The following ZFHX3 variants were observed in gnomAD, a reference collection of about 807,000 sequenced individuals.
The protein encoded by ZFHX3 is zinc finger homeobox protein 3.
A neutral mutation model predicts 279.1 loss-of-function variants in ZFHX3; 42 were observed. That is an observed-to-expected ratio of 0.15 (90% confidence interval 0.12 to 0.19). The LOEUF (loss-of-function observed/expected upper bound fraction) is 0.19. Among genes scored for constraint, ZFHX3 ranks in the 10% least tolerant of loss-of-function variants. The probability of loss-of-function intolerance (pLI) is 1.00; values close to 1 mark genes in which losing one functional copy is unlikely to be tolerated. For synonymous variants in ZFHX3, 2,293 were observed against 1,957.8 expected (o/e 1.17, Z -4.52); for missense variants, 4,981 against 4,754.0 (o/e 1.05, Z -1.40).
chr16:73,251,223 T>A (rs1161282970), intron 5 of ZFHX3, among the ~76,000 whole-genome samples: 1 of 152,158 alleles, frequency 6.6e-6, no homozygotes, highest in Non-Finnish European at 1.5e-5. Context: ...TAGCCCAAAG[T>A]CTTAGTGAGG....
chr16:73,632,410 C>T (rs988742349), intron 2 of ZFHX3, among the ~76,000 whole-genome samples: 4 of 151,994 alleles, frequency 2.6e-5, no homozygotes, highest in East Asian at 3.9e-4. Context: ...GAGCCGGGTG[C>T]GGTGGCTCAC....
chr16:73,217,500 T>C (rs1250691700), intron 5 of ZFHX3, among the ~76,000 whole-genome samples: 4 of 152,220 alleles, frequency 2.6e-5, no homozygotes, highest in Non-Finnish European at 5.9e-5. Context: ...ATTGATCCCC[T>C]GGCTTAACTT....
At chr16:72,805,088 C>T (rs962762208) in intron 7 of ZFHX3, among the ~76,000 whole-genome samples, 50 of 152,286 alleles carry the variant, frequency 3.3e-4, no homozygotes, top group African/African-American at 1.1e-3. Context: ...AGTGATTCTT[C>T]TGCCTCAGCC....
chr16:72,987,721 C>A (rs999955921), intron 1 of ZFHX3, among the ~76,000 whole-genome samples: 7 of 152,164 alleles, frequency 4.6e-5, no homozygotes, highest in Non-Finnish European at 1.0e-4. Flanking sequence ...CTCATGGATA[C>A]CACAGCATGG....
intron 3 of ZFHX3, among the ~76,000 whole-genome samples, chr16:72,890,395 A>C (rs2038742641): frequency 6.6e-6 from 1 of 152,034 alleles, no homozygotes; most frequent in African/African-American, 2.4e-5. Flanking sequence ...CAGAACTGTG[A>C]GTCAATTTCT....
chr16:72,912,177 G>C (rs55919245), intron 3 of ZFHX3, among the ~76,000 whole-genome samples: 7,259 of 152,296 alleles, frequency 0.048, 239 homozygotes, highest in Non-Finnish European at 0.071. Context: ...GCAGGAGCTC[G>C]ACCCTGCCAG....
chr16:73,514,523 A>C (rs2019487402), intron 2 of ZFHX3, among the ~76,000 whole-genome samples: 1 of 152,158 alleles, frequency 6.6e-6, no homozygotes, highest in African/African-American at 2.4e-5. Flanking sequence ...CTGAACTATT[A>C]TTTTTACTAT....
intron 3 of ZFHX3, among the ~76,000 whole-genome samples, chr16:73,417,846 G>A (rs2113224): frequency 0.019 from 2,852 of 150,984 alleles, 129 homozygotes; most frequent in African/African-American, 0.066. Flanking sequence ...AAAATTAGCC[G>A]GGCATGGTGG....
At chr16:73,223,961 C>T (rs935117491) in intron 5 of ZFHX3, among the ~76,000 whole-genome samples, 1 of 152,164 alleles carries the variant, frequency 6.6e-6, no homozygotes, top group African/African-American at 2.4e-5. Flanking sequence ...AACTACATGT[C>T]ATTCTGTAAA....
At chr16:72,877,512 C>T (rs1201445161) in intron 4 of ZFHX3, among the ~76,000 whole-genome samples, 1 of 152,130 alleles carries the variant, frequency 6.6e-6, no homozygotes, top group Non-Finnish European at 1.5e-5. Context: ...TCTCAGTTTG[C>T]CTTAGTCATC....
chr16:72,793,910 G>C lies in ZFHX3; in HGVS notation c.8772C>G (p.Cys2924Trp), dbSNP rs139718516. 77 of 1,614,090 alleles carry C rather than the reference G, an allele frequency of 4.8e-5. No homozygotes were observed. The highest frequency in any genetic ancestry group is 1.7e-5 in the Admixed American group (1 of 60,014). The change falls in exon 9 of 10, where the codon TGC becomes TGG. Residue 2924 changes from cysteine (C) to tryptophan (W), a missense_variant. Around this residue, in one of 7 missense-constraint regions of ZFHX3, gnomAD observed 168 missense variants for 249.1 expected, o/e 0.67. Coordinates refer to ENST00000268489, the MANE Select transcript of ZFHX3 (RefSeq NM_006885.4). This position sits in a 1 kb window ranked among gnomAD's most constrained non-coding sequence, Gnocchi z 4.3. ...YSETSSLADP[C>W]SPSPGASGSA... ...ATCCACTCGCACCAGGACTCGGGGAGCAGGGATCTGCAAGGCTTGAGGTTT... is the reference window on the plus strand; with the variant it reads ...ATCCACTCGCACCAGGACTCGGGGACCAGGGATCTGCAAGGCTTGAGGTTT...
chr16:73,288,571 G>A (rs1406232719), intron 4 of ZFHX3, among the ~76,000 whole-genome samples: 1 of 152,166 alleles, frequency 6.6e-6, no homozygotes, highest in Non-Finnish European at 1.5e-5. Flanking sequence ...TGCCAACTTA[G>A]CAACTCCCCA....
At chr16:73,869,487 A>G (rs1265922536) in intron 1 of ZFHX3, among the ~76,000 whole-genome samples, 1 of 152,248 alleles carries the variant, frequency 6.6e-6, no homozygotes, top group Non-Finnish European at 1.5e-5. Context: ...TAGATAAAAT[A>G]CACTCTACTA....
intron 3 of ZFHX3, among the ~76,000 whole-genome samples, chr16:73,437,918 T>C (rs531779519): frequency 2.6e-5 from 4 of 152,316 alleles, no homozygotes; most frequent in Admixed American, 1.3e-4. Flanking sequence ...GTCTTTCTTA[T>C]CATCATGCTA....
intron 2 of ZFHX3, among the ~76,000 whole-genome samples, chr16:73,618,354 G>T (rs779767609): frequency 6.6e-6 from 1 of 152,094 alleles, no homozygotes; most frequent in Non-Finnish European, 1.5e-5. Context: ...ATAAGATTCA[G>T]GAGATCTTCT....
intron 1 of ZFHX3, among the ~76,000 whole-genome samples, chr16:73,807,619 A>ATTTTTTTTTTTTTTT (rs1960314019): frequency 5.3e-5 from 5 of 93,702 alleles, no homozygotes; most frequent in African/African-American, 2.9e-4. Flanking sequence ...ACCATGCCCC[A>ATTTTTTTTTTTTTTT]ATTTTTTTTT....
chr16:73,422,110 T>C (rs2017729389), intron 3 of ZFHX3, among the ~76,000 whole-genome samples: 1 of 152,244 alleles, frequency 6.6e-6, no homozygotes, highest in African/African-American at 2.4e-5. Context: ...ATTTCTACTT[T>C]AAATCCAAGC....
At chr16:73,333,328 AAGATACATAGACACATAGATGGAT>A (rs1176010539) in intron 3 of ZFHX3, among the ~76,000 whole-genome samples, 2 of 152,170 alleles carry the variant, frequency 1.3e-5, no homozygotes, top group Non-Finnish European at 2.9e-5. Flanking sequence ...ATATAGACAC[AAGATACATAGACACATAGATGGAT>A]AGATACATAG....
At chr16:73,674,290 G>A (rs2052932427) in intron 2 of ZFHX3, among the ~76,000 whole-genome samples, 1 of 152,182 alleles carries the variant, frequency 6.6e-6, no homozygotes, top group Non-Finnish European at 1.5e-5. Flanking sequence ...AAAGATGAAT[G>A]AGAAGAGAGG....
Sources: allele counts gnomAD v4.1 joint callset (sites outside exome capture counted in the v4.1 genomes callset), GRCh38; gene constraint gnomAD v4.1.1; regional missense constraint gnomAD v4.1.1; non-coding constraint Gnocchi (gnomAD v3.1); transcripts MANE v1.5; gene names NCBI Gene and HGNC (gene_info 2026-07-23, HGNC 2026-07-21).